Variants in NBN observed in about 807,000 individuals in gnomAD.
NBN encodes the protein Nijmegen breakage syndrome 1 (nibrin).
Under a neutral mutation model 90.8 loss-of-function variants are expected in NBN, and 88 were observed. The ratio of observed to expected loss-of-function variants is 0.97; its 90% CI spans 0.82 to 1.16. The LOEUF (loss-of-function observed/expected upper bound fraction) is 1.16, where lower values mean the gene tolerates loss of function less well. NBN is among the 50% of genes most tolerant of loss of function. The pLI is 0.00. For synonymous variants in NBN, 328 were observed against 295.1 expected, an observed-to-expected ratio of 1.11 and a Z score of -1.14; for missense variants, 894 against 869.6, an observed-to-expected ratio of 1.03 and a Z score of -0.35.
intron 1 of NBN, among the ~76,000 whole-genome samples, chr8:89,983,757 G>T (rs935102200): frequency 9.2e-5 from 14 of 152,148 alleles, no homozygotes; most frequent in African/African-American, 3.1e-4. Flanking sequence ...CGAGTGGCAG[G>T]GAGATTAGGG....
At position 89,984,607 on chromosome 8, in the gene NBN, G is replaced by A. The variant is rs751549166; in HGVS notation, c.-46C>T. The A allele has an allele frequency of 1.3e-5, 21 of 1,608,618 alleles. No homozygotes were observed. The highest frequency in any genetic ancestry group is 2.7e-5 in the African/African-American group (2 of 74,934). ...GGGGCCGACGTGCAACCGCGTAACC[G>A]GGGCTGCTAGACGAGCGCGGATACG... is the stretch of plus-strand genomic sequence containing the variant. On this transcript the variant is annotated 5_prime_UTR_variant, in exon 1 of 16. Coordinates refer to ENST00000265433, the MANE Select transcript of NBN (RefSeq NM_002485.5).
At chr8:89,965,812 C>T (rs1475751811) in intron 7 of NBN, among the ~76,000 whole-genome samples, 6 of 152,008 alleles carry the variant, frequency 3.9e-5, no homozygotes, top group Admixed American at 1.3e-4. Flanking sequence ...ATGGTTAGTT[C>T]GTAAGGTCTT....
intron 10 of NBN, among the ~76,000 whole-genome samples, chr8:89,954,262 C>A (rs941396163): frequency 3.3e-5 from 5 of 152,132 alleles, no homozygotes; most frequent in African/African-American, 1.2e-4. Flanking sequence ...ATAGAGGACA[C>A]AAAGACCTGG....
intron 15 of NBN, 85 bp downstream of exon 15, chr8:89,936,941 G>C: frequency 9.0e-7 from 1 of 1,109,176 alleles, no homozygotes; most frequent in South Asian, 1.3e-5. Context: ...GAGGACAGAA[G>C]AAACAAATTC....
chr8:89,958,623 TTC>T, intron 9 of NBN, 100 bp downstream of exon 9: 4 of 1,363,918 alleles, frequency 2.9e-6, no homozygotes, highest in Non-Finnish European at 4.1e-6. Context: ...CTTCCATGCT[TTC>T]TCTCTCAAGA....
At chr8:89,942,586 A>G (rs188253075) in intron 14 of NBN, among the ~76,000 whole-genome samples, 80 of 152,336 alleles carry the variant, frequency 5.3e-4, no homozygotes, top group African/African-American at 1.8e-3. Flanking sequence ...CTTGAAAAAC[A>G]GCAAGGAACA....
rs1258381453 is a variant in NBN at position 89,934,414 on chromosome 8, C to T, written c.*1168G>A. On this transcript the variant is annotated 3_prime_UTR_variant, in exon 16 of 16. Transcript: ENST00000265433. ...GGCTGAGAAGCTTTTAAAAAAAGAC[C>T]TTCATTTCCCTAACTCCCTTGCAGC... 4.3e-6 allele frequency: 1 copy of T among 232,956 alleles called. No individual in the cohort carries two copies. The highest frequency in any genetic ancestry group is 2.2e-5 in the African/African-American group (1 of 45,320). The allele number at this position is 232,956 out of a possible 1,614,324, so 14.4% of individuals were successfully genotyped here. A position where few individuals can be genotyped will look rare whatever the true frequency, so the allele number is the denominator to read the frequency against.
intron 12 of NBN, among the ~76,000 whole-genome samples, chr8:89,946,895 G>A (rs1158765370): frequency 6.6e-6 from 1 of 152,116 alleles, no homozygotes; most frequent in Admixed American, 6.5e-5. Context: ...TGCTGGATGA[G>A]ATTCTTGGCT....
chr8:89,964,530 G>A (rs1346818762), intron 7 of NBN, 23 bp from the exon 8 acceptor site: 3 of 1,567,462 alleles, frequency 1.9e-6, no homozygotes, highest in Non-Finnish European at 2.6e-6. Context: ...AATAGTTTAA[G>A]TATGATAATA....
Position 89,976,351 on chromosome 8 carries a change from G to A in NBN, c.584+1869C>T, listed in dbSNP as rs1432365321. Among the ~76,000 whole-genome samples, 3 of 152,176 alleles carry A rather than the reference G, an allele frequency of 2.0e-5. No individual in the cohort carries two copies. In the East Asian group the frequency reaches 5.8e-4, roughly 29 times the overall value. On this transcript the variant is annotated intron_variant, in intron 5 of 15. Coordinates refer to ENST00000265433, the MANE Select transcript of NBN (RefSeq NM_002485.5). ...GATGCAAACCTTGGAAGGCCAAAAG[G>A]TTTTACATCAGTTTCGGAACAGGAT...
At chr8:89,946,057 T>G in intron 13 of NBN, 83 bp downstream of exon 13, 1 of 1,081,840 alleles carries the variant, frequency 9.2e-7, no homozygotes, top group Admixed American at 1.9e-5. Flanking sequence ...CAACATAAAC[T>G]GCTTTTATCT....
intron 8 of NBN, among the ~76,000 whole-genome samples, chr8:89,963,474 T>TA (rs1811092584): frequency 6.6e-6 from 1 of 152,086 alleles, no homozygotes; most frequent in African/African-American, 2.4e-5. Context: ...GCAAATTAGA[T>TA]AAAAGTTAGT....
Position 89,971,293 on chromosome 8 carries a change from G to T in NBN, c.585-3C>A, listed in dbSNP as rs779430868. The T allele has an allele frequency of 1.9e-6, 3 of 1,608,090 alleles. No homozygotes were observed. Among genetic ancestry groups the T allele is most frequent in the Non-Finnish European group, 2.6e-6 (3 of 1,176,152 alleles). ...GTTCATCAAGAGGTGGGTAAAAACTGTAAAAATAATTAAAGTATATTCTAA... is the reference window on the plus strand; with the variant it reads ...GTTCATCAAGAGGTGGGTAAAAACTTTAAAAATAATTAAAGTATATTCTAA... On this transcript the variant is annotated splice_region_variant and splice_polypyrimidine_tract_variant and intron_variant, in intron 5 of 15. Transcript: ENST00000265433.
intron 7 of NBN, among the ~76,000 whole-genome samples, chr8:89,969,163 T>G (rs1223350461): frequency 2.0e-5 from 3 of 152,198 alleles, no homozygotes; most frequent in African/African-American, 7.2e-5. Context: ...TGAAGAGCAA[T>G]TTAGTCAGAA....
chr8:89,953,153 TG>T, intron 11 of NBN, 90 bp downstream of exon 11: 1 of 928,770 alleles, frequency 1.1e-6, no homozygotes, highest in Admixed American at 1.8e-5. Context: ...AAGACATTAA[TG>T]GATGCTCATA....
chr8:89,965,514 AG>A (rs1811213149), intron 7 of NBN, among the ~76,000 whole-genome samples: 2 of 151,058 alleles, frequency 1.3e-5, no homozygotes. Flanking sequence ...TCTGAGACAG[AG>A]ACTTGCTCTT....
chr8:89,940,309 G>C (rs1356474288), intron 14 of NBN, among the ~76,000 whole-genome samples: 2 of 151,900 alleles, frequency 1.3e-5, no homozygotes, highest in Admixed American at 1.3e-4. Context: ...TTTTTTTGTA[G>C]AGACAGGGTC....
intron 7 of NBN, among the ~76,000 whole-genome samples, chr8:89,969,641 C>G (rs902583652): frequency 2.0e-5 from 3 of 152,162 alleles, no homozygotes; most frequent in African/African-American, 7.2e-5. Flanking sequence ...GTATACTACA[C>G]TATAAAACCT....
At chr8:89,937,441 C>T (rs1161364177) in intron 14 of NBN, 2 of 254,266 alleles carry the variant, frequency 7.9e-6, no homozygotes, top group African/African-American at 4.5e-5. Flanking sequence ...ACATTTACCC[C>T]ACCTTCAACT....
Sources: gnomAD v4.1 joint callset for allele counts (sites outside exome capture counted in the v4.1 genomes callset) on GRCh38, gnomAD v4.1.1 for gene constraint, MANE v1.5 for transcripts, NCBI Gene and HGNC (gene_info 2026-07-23, HGNC 2026-07-21) for gene names.